The following KCNIP4 variants were observed in gnomAD, a reference collection of about 807,000 sequenced individuals.
KCNIP4 encodes potassium voltage-gated channel interacting protein 4.
In KCNIP4, 12 loss-of-function variants were observed where a neutral mutation model predicts 34.0. The observed-to-expected ratio is 0.35, with a 90% confidence interval of 0.23 to 0.57. The LOEUF is 0.57. Ranked by LOEUF, KCNIP4 falls within the 20% of genes least tolerant of loss-of-function variation. The pLI, the probability that KCNIP4 is intolerant of heterozygous loss-of-function variation, is 0.83. For missense variants in KCNIP4, 238 were observed against 311.7 expected (o/e 0.76, Z 1.78); for synonymous variants, 124 against 102.2 (o/e 1.21, Z -1.29).
chr4:21,439,549 G>A (rs1479540682), intron 1 of KCNIP4, among the ~76,000 whole-genome samples: 1 of 152,166 alleles, frequency 6.6e-6, no homozygotes, highest in African/African-American at 2.4e-5. Flanking sequence ...TTCCTTGCAA[G>A]TTAGGATGAT....
chr4:21,911,053 A>G (rs1728279071), intron 1 of KCNIP4, among the ~76,000 whole-genome samples: 1 of 152,132 alleles, frequency 6.6e-6, no homozygotes, highest in Non-Finnish European at 1.5e-5. Flanking sequence ...AGTGCATACA[A>G]TGAGTTGACA....
intron 1 of KCNIP4, among the ~76,000 whole-genome samples, chr4:21,556,031 T>C (rs1363023937): frequency 6.6e-6 from 1 of 152,150 alleles, no homozygotes; most frequent in Admixed American, 6.6e-5. Flanking sequence ...TTTTGGTTTT[T>C]TGTGCCTCAA....
At chr4:21,761,378 A>T (rs1349555737) in intron 1 of KCNIP4, among the ~76,000 whole-genome samples, 11 of 152,176 alleles carry the variant, frequency 7.2e-5, no homozygotes, top group Admixed American at 7.2e-4. Context: ...AAGAAATTCA[A>T]ATAATCTAAA....
chr4:21,919,946 T>TA (rs577829247), intron 1 of KCNIP4, among the ~76,000 whole-genome samples: 11 of 152,010 alleles, frequency 7.2e-5, no homozygotes, highest in Admixed American at 1.3e-4. Context: ...ATGTTATAGT[T>TA]AAAAAAAGGT....
At chr4:21,579,540 T>G (rs1174385742) in intron 1 of KCNIP4, among the ~76,000 whole-genome samples, 1 of 152,170 alleles carries the variant, frequency 6.6e-6, no homozygotes, top group Non-Finnish European at 1.5e-5. Context: ...TATCCATTCA[T>G]GCATTTGTTT....
intron 1 of KCNIP4, among the ~76,000 whole-genome samples, chr4:21,882,166 T>C (rs1462720654): frequency 6.6e-6 from 1 of 152,168 alleles, no homozygotes; most frequent in Non-Finnish European, 1.5e-5. Context: ...CACAGTTTAA[T>C]AGACATCAAA....
chr4:21,342,015 T>G (rs1716808190), intron 1 of KCNIP4, among the ~76,000 whole-genome samples: 1 of 152,174 alleles, frequency 6.6e-6, no homozygotes, highest in Admixed American at 6.6e-5. Flanking sequence ...ATAAGGACTA[T>G]TTTTCTTTTC....
chr4:21,885,657 C>G (rs940030598), intron 1 of KCNIP4, among the ~76,000 whole-genome samples: 1 of 152,140 alleles, frequency 6.6e-6, no homozygotes, highest in Non-Finnish European at 1.5e-5. Flanking sequence ...TTAGCACAAA[C>G]TTTAAATTTC....
chr4:21,097,735 T>C (rs539480310), intron 1 of KCNIP4, among the ~76,000 whole-genome samples: 165 of 152,224 alleles, frequency 1.1e-3, no homozygotes, highest in African/African-American at 3.9e-3. Flanking sequence ...CCAGCTTCCA[T>C]ATTCCCTGAG....
At chr4:21,197,435 A>G (rs1756136713) in intron 1 of KCNIP4, among the ~76,000 whole-genome samples, 1 of 152,178 alleles carries the variant, frequency 6.6e-6, no homozygotes, top group Non-Finnish European at 1.5e-5. Flanking sequence ...ATTGCTTCCA[A>G]TAGCTCTTTT....
intron 1 of KCNIP4, chr4:20,916,255 C>G: frequency 1.1e-6 from 1 of 899,628 alleles, no homozygotes; most frequent in South Asian, 5.1e-5. Flanking sequence ...CCAAAGAGCT[C>G]TCTTCTCTGA....
intron 1 of KCNIP4, among the ~76,000 whole-genome samples, chr4:21,449,225 T>C (rs1191308882): frequency 6.6e-6 from 1 of 152,174 alleles, no homozygotes; most frequent in African/African-American, 2.4e-5. Context: ...AAATTGCCTG[T>C]GACTCTTCTT....
chr4:21,568,690 A>G (rs962255610), intron 1 of KCNIP4, among the ~76,000 whole-genome samples: 1 of 152,112 alleles, frequency 6.6e-6, no homozygotes, highest in Admixed American at 6.5e-5. Context: ...GTGCTTTGCC[A>G]GGGGCTCTCT....
At chr4:21,367,490 G>A (rs1719907778) in intron 1 of KCNIP4, among the ~76,000 whole-genome samples, 1 of 130,740 alleles carries the variant, frequency 7.6e-6, no homozygotes, top group South Asian at 2.3e-4. Flanking sequence ...CATACTTATT[G>A]CCTTTCAAGA....
chr4:20,869,973 T>C (rs1019399939), intron 2 of KCNIP4, among the ~76,000 whole-genome samples: 11 of 152,226 alleles, frequency 7.2e-5, no homozygotes, highest in African/African-American at 2.4e-4. Flanking sequence ...AATAAAATAA[T>C]GTGTATAAAA....
chr4:21,141,905 A>G (rs1158778385), intron 1 of KCNIP4, among the ~76,000 whole-genome samples: 1 of 151,866 alleles, frequency 6.6e-6, no homozygotes, highest in African/African-American at 2.4e-5. Context: ...TAATCCCAGC[A>G]CTTTGGGAGG....
At chr4:20,936,218 G>T (rs1560583116) in intron 1 of KCNIP4, among the ~76,000 whole-genome samples, 1 of 152,076 alleles carries the variant, frequency 6.6e-6, no homozygotes, top group East Asian at 1.9e-4. Context: ...AAGCAAAGGG[G>T]CTGTCTGTCA....
intron 1 of KCNIP4, among the ~76,000 whole-genome samples, chr4:21,641,942 G>A (rs1027467358): frequency 3.3e-5 from 5 of 152,120 alleles, no homozygotes; most frequent in Admixed American, 2.0e-4. Context: ...CAGCTACCTG[G>A]TGGCAGGTTG....
rs1234594687 is a variant in KCNIP4, at chr4:21,234,194, A to G, written c.62-351485T>C. Among the ~76,000 whole-genome samples the G allele has an allele frequency of 2.8e-5, 3 of 109,014 alleles. 1 individual carries two copies. The East Asian group carries it at 7.8e-4, about 28-fold the overall frequency. 71.5% of individuals were successfully genotyped at this position (109,014 alleles called of 152,430 possible). On this transcript the variant is annotated intron_variant, in intron 1 of 8. Transcript: ENST00000382152. ...ATATAACATATATAACGTATATTAT[A>G]TATAACATATATAACGTATATTATA...
Sources: allele counts gnomAD v4.1 joint callset (sites outside exome capture counted in the v4.1 genomes callset), GRCh38; gene constraint gnomAD v4.1.1; transcripts MANE v1.5; gene names NCBI Gene and HGNC (gene_info 2026-07-23, HGNC 2026-07-21).